Variants in ARHGAP32 observed in about 807,000 individuals in gnomAD.
ARHGAP32 encodes rho GTPase-activating protein 32.
ARHGAP32 carries 51 observed loss-of-function variants against 186.5 expected under a neutral mutation model. The ratio of observed to expected loss-of-function variants is 0.27; its 90% CI spans 0.22 to 0.35. The LOEUF (loss-of-function observed/expected upper bound fraction) is 0.35, where lower values mean the gene tolerates loss of function less well. Ranked by LOEUF, ARHGAP32 falls within the 10% of genes least tolerant of loss-of-function variation. The pLI is 1.00. For missense variants in ARHGAP32, 2,186 were observed against 2,623.5 expected (o/e 0.83, Z 3.64); for synonymous variants, 950 against 964.3 (o/e 0.99, Z 0.27).
chr11:129,278,833 C>A (rs1945569670), intron 1 of ARHGAP32, among the ~76,000 whole-genome samples: 1 of 151,360 alleles, frequency 6.6e-6, no homozygotes, highest in Non-Finnish European at 1.5e-5. Flanking sequence ...CGGCTGCCGC[C>A]CGCCTTGGGC....
intron 6 of ARHGAP32, among the ~76,000 whole-genome samples, chr11:129,081,055 A>G (rs1250977420): frequency 6.6e-6 from 1 of 152,114 alleles, no homozygotes; most frequent in African/African-American, 2.4e-5. Context: ...CCTAGAGTAA[A>G]CCAGGAATAA....
At chr11:129,107,359 A>C (rs1367381818) in intron 5 of ARHGAP32, among the ~76,000 whole-genome samples, 1 of 152,226 alleles carries the variant, frequency 6.6e-6, no homozygotes, top group Non-Finnish European at 1.5e-5. Context: ...CTAGACAGTA[A>C]CTTGTAGCCA....
intron 5 of ARHGAP32, among the ~76,000 whole-genome samples, chr11:129,109,487 G>A (rs190189063): frequency 1.3e-5 from 2 of 152,010 alleles, no homozygotes; most frequent in Admixed American, 6.6e-5. Context: ...TTAGTTTTTT[G>A]AGAAATCTCC....
In ARHGAP32 at chr11:128,974,888, T is replaced by C; in HGVS notation, c.2309A>G (p.His770Arg). The change falls in exon 21 of 23, where the codon CAT (histidine) becomes CGT (arginine). Residue 770 changes from histidine (H) to arginine (R), a missense_variant. Physicochemically the swap from His to Arg is conservative, Grantham distance 29. This residue lies in a region of ARHGAP32 where 263 missense variants were observed against 323.5 expected (regional missense o/e 0.81). Coordinates refer to ENST00000682385, the MANE Select transcript of ARHGAP32 (RefSeq NM_001378024.1). The stretch of plus-strand genomic sequence containing the variant: ...TCCTTCCTCCTCACTCTCATTGTCA[T>C]GAGGCAGATTATCATAGGAGTTACA... ...NRCNSYDNLP[H>R]DNESEEEGGL... is the part of the protein sequence containing the mutation. 6.2e-7 allele frequency: 1 copy of C among 1,614,186 alleles called. No individual in the cohort carries two copies. Among genetic ancestry groups the C allele is most frequent in the Non-Finnish European group, 8.5e-7 (1 of 1,180,034 alleles).
chr11:129,225,945 T>C (rs1279851784), intron 1 of ARHGAP32, among the ~76,000 whole-genome samples: 1 of 152,062 alleles, frequency 6.6e-6, no homozygotes, highest in African/African-American at 2.4e-5. Context: ...AAATTCAGGA[T>C]TGAAAAGTAC....
intron 5 of ARHGAP32, among the ~76,000 whole-genome samples, chr11:129,100,635 G>A (rs955263870): frequency 2.0e-5 from 3 of 152,088 alleles, no homozygotes; most frequent in Non-Finnish European, 4.4e-5. Context: ...GAGCCTTGGT[G>A]GGCAGAGCCA....
At chr11:129,026,242 C>A (rs569639875) in intron 11 of ARHGAP32, among the ~76,000 whole-genome samples, 18 of 152,066 alleles carry the variant, frequency 1.2e-4, no homozygotes, top group Non-Finnish European at 2.9e-5. Flanking sequence ...TCCAGGGGAT[C>A]TCTCTGTACT....
rs374423035 is a variant in ARHGAP32, at chr11:129,071,070, A to G, written c.532-4202T>C. ...ATTAGCCTTTTGAGAGCTGTAACCT[A>G]CTTAGGCCTTTGAGAGCTGTAACAC... On this transcript the variant is annotated intron_variant, in intron 6 of 22. Coordinates refer to ENST00000682385, the MANE Select transcript of ARHGAP32 (RefSeq NM_001378024.1). Among the ~76,000 whole-genome samples the G allele has an allele frequency of 6.0e-4, 92 of 152,186 alleles. 1 individual carries two copies. The South Asian group carries it at 0.019, about 31-fold the overall frequency.
intron 11 of ARHGAP32, among the ~76,000 whole-genome samples, chr11:129,038,830 T>G (rs1591554910): frequency 7.2e-6 from 1 of 139,412 alleles, no homozygotes; most frequent in East Asian, 2.1e-4. Flanking sequence ...AGGGCTGCAG[T>G]GAGCTATGAT....
chr11:129,113,461 T>C (rs144244215), intron 5 of ARHGAP32, among the ~76,000 whole-genome samples: 363 of 152,212 alleles, frequency 2.4e-3, no homozygotes, highest in African/African-American at 8.6e-3. Flanking sequence ...CTTGATAAAT[T>C]TTAACTTTTT....
At chr11:129,169,318 A>T (rs1049245044) in intron 1 of ARHGAP32, among the ~76,000 whole-genome samples, 1 of 152,132 alleles carries the variant, frequency 6.6e-6, no homozygotes, top group South Asian at 2.1e-4. Flanking sequence ...ATAAACAGAA[A>T]GCCTGTGAAC....
At chr11:129,253,972 GGATA>G (rs1945220962) in intron 1 of ARHGAP32, among the ~76,000 whole-genome samples, 1 of 152,010 alleles carries the variant, frequency 6.6e-6, no homozygotes, top group Non-Finnish European at 1.5e-5. Flanking sequence ...AACTGAAATA[GGATA>G]TAATTATGTG....
At chr11:129,063,097 C>T (rs1310030644) in intron 9 of ARHGAP32, among the ~76,000 whole-genome samples, 1 of 135,534 alleles carries the variant, frequency 7.4e-6, no homozygotes, top group Non-Finnish European at 1.7e-5. Context: ...TAGTTAAGAA[C>T]TTCAGAGCAA....
At chr11:129,253,024 G>A (rs1945206928) in intron 1 of ARHGAP32, among the ~76,000 whole-genome samples, 1 of 152,188 alleles carries the variant, frequency 6.6e-6, no homozygotes, top group Admixed American at 6.6e-5. Context: ...GCAACAACTG[G>A]AGAGAGAATA....
chr11:129,154,522 T>C (rs972382058), intron 2 of ARHGAP32, among the ~76,000 whole-genome samples: 7 of 152,132 alleles, frequency 4.6e-5, no homozygotes, highest in African/African-American at 1.7e-4. Flanking sequence ...AAATGTGGTA[T>C]ATATACACTA....
chr11:129,043,889 G>C (rs1343103010), intron 10 of ARHGAP32, among the ~76,000 whole-genome samples: 2 of 151,634 alleles, frequency 1.3e-5, no homozygotes, highest in African/African-American at 4.8e-5. Context: ...ATTTTTAGTT[G>C]GTGAAAAAAA....
At chr11:129,133,315 GTC>G (rs1346296639) in intron 2 of ARHGAP32, among the ~76,000 whole-genome samples, 1 of 152,130 alleles carries the variant, frequency 6.6e-6, no homozygotes, top group Admixed American at 6.5e-5. Context: ...TGTCTTCGAA[GTC>G]TCTGAAGATG....
intron 2 of ARHGAP32, among the ~76,000 whole-genome samples, chr11:129,129,484 T>C (rs1942759547): frequency 6.6e-6 from 1 of 152,096 alleles, no homozygotes; most frequent in Non-Finnish European, 1.5e-5. Flanking sequence ...GGCCGCCCCG[T>C]CTGGGAAGTG....
At chr11:129,024,529 T>C (rs1938746266) in intron 11 of ARHGAP32, among the ~76,000 whole-genome samples, 1 of 152,222 alleles carries the variant, frequency 6.6e-6, no homozygotes, top group African/African-American at 2.4e-5. Flanking sequence ...TTAATATCTT[T>C]GCTGATACTG....
Sources: gnomAD v4.1 joint callset for allele counts (sites outside exome capture counted in the v4.1 genomes callset) on GRCh38, gnomAD v4.1.1 for gene constraint, gnomAD v4.1.1 regional missense constraint, MANE v1.5 for transcripts, NCBI Gene and HGNC (gene_info 2026-07-23, HGNC 2026-07-21) for gene names.